NR3C2: variants seen among roughly 807,000 people sequenced by gnomAD.
NR3C2 encodes nuclear receptor subfamily 3 group C member 2.
In NR3C2, 15 loss-of-function variants were observed where a neutral mutation model predicts 86.4. The ratio of observed to expected loss-of-function variants is 0.17; its 90% CI spans 0.12 to 0.27. The LOEUF is 0.27. Among genes scored for constraint, NR3C2 ranks in the 10% least tolerant of loss-of-function variants. The pLI is 1.00. For missense variants in NR3C2, 960 were observed against 1,195.6 expected (o/e 0.80, Z 2.91); for synonymous variants, 458 against 450.5 (o/e 1.02, Z -0.21).
At chr4:148,325,618 A>G (rs1743925176) in intron 2 of NR3C2, among the ~76,000 whole-genome samples, 1 of 152,236 alleles carries the variant, frequency 6.6e-6, no homozygotes, top group African/African-American at 2.4e-5. Context: ...GTTACTGCAT[A>G]AAAAGGGTAA....
At chr4:148,416,296 G>T (rs1236503207) in intron 2 of NR3C2, among the ~76,000 whole-genome samples, 1 of 152,134 alleles carries the variant, frequency 6.6e-6, no homozygotes, top group East Asian at 1.9e-4. Flanking sequence ...GGTATATAAA[G>T]ACAATGATAA....
At position 148,328,282 on chromosome 4, in the gene NR3C2, T is replaced by C. The variant is rs1381003798; in HGVS notation, c.1758-68165A>G. Among the ~76,000 whole-genome samples, 3 of 151,570 alleles carry C rather than the reference T, an allele frequency of 2.0e-5. No individual in the cohort carries two copies. In the East Asian group the frequency reaches 5.8e-4, roughly 29 times the overall value. ...CAATGCAGAGGAGAGGGGAAGGAGG[T>C]AGAGGAGGAGGAATCAGCATGGGAA... On this transcript the variant is annotated intron_variant, in intron 2 of 8. Coordinates refer to ENST00000358102, the MANE Select transcript of NR3C2 (RefSeq NM_000901.5).
chr4:148,188,849 G>T (rs1736061003), intron 4 of NR3C2, among the ~76,000 whole-genome samples: 1 of 151,390 alleles, frequency 6.6e-6, no homozygotes. Flanking sequence ...TCCCGATTCA[G>T]TATCATGTTG....
intron 3 of NR3C2, among the ~76,000 whole-genome samples, chr4:148,224,502 T>C (rs528393236): frequency 1.4e-4 from 22 of 152,320 alleles, no homozygotes; most frequent in Non-Finnish European, 3.1e-4. Context: ...CATTACATTG[T>C]GGGGACACAG....
At chr4:148,318,034 C>T (rs1189469440) in intron 2 of NR3C2, among the ~76,000 whole-genome samples, 1 of 124,480 alleles carries the variant, frequency 8.0e-6, no homozygotes, top group Non-Finnish European at 1.6e-5. Flanking sequence ...CCTCCCCCCA[C>T]CCCACAACAG....
intron 2 of NR3C2, among the ~76,000 whole-genome samples, chr4:148,319,686 G>A (rs929049006): frequency 8.0e-5 from 12 of 150,852 alleles, no homozygotes; most frequent in Admixed American, 7.3e-4. Context: ...TTTGTCTGTT[G>A]TTGGTGTATA....
At chr4:148,238,358 G>T (rs1326313856) in intron 3 of NR3C2, among the ~76,000 whole-genome samples, 1 of 152,192 alleles carries the variant, frequency 6.6e-6, no homozygotes, top group East Asian at 1.9e-4. Flanking sequence ...TATTAGTCAT[G>T]CTGGCAACAA....
At chr4:148,198,268 TA>T (rs1736533543) in intron 3 of NR3C2, among the ~76,000 whole-genome samples, 1 of 152,232 alleles carries the variant, frequency 6.6e-6, no homozygotes, top group Non-Finnish European at 1.5e-5. Context: ...AGTAAGTGTT[TA>T]AAAGTTAATC....
At chr4:148,296,358 T>C (rs61760325) in intron 2 of NR3C2, among the ~76,000 whole-genome samples, 5 of 152,268 alleles carry the variant, frequency 3.3e-5, no homozygotes, top group Admixed American at 2.6e-4. Flanking sequence ...ATATTTTAGA[T>C]TGGGAAAAAC....
At chr4:148,147,179 A>G (rs1237101132) in intron 6 of NR3C2, among the ~76,000 whole-genome samples, 1 of 152,238 alleles carries the variant, frequency 6.6e-6, no homozygotes, top group African/African-American at 2.4e-5. Context: ...AAAAAATTAG[A>G]AAGAATGTTT....
At chr4:148,222,754 G>C (rs1240781643) in intron 3 of NR3C2, among the ~76,000 whole-genome samples, 10 of 152,188 alleles carry the variant, frequency 6.6e-5, no homozygotes. Flanking sequence ...AGAAGGAGCA[G>C]AGAAGGTAAA....
intron 8 of NR3C2, among the ~76,000 whole-genome samples, chr4:148,096,031 C>G (rs1731261526): frequency 6.6e-6 from 1 of 152,194 alleles, no homozygotes; most frequent in Admixed American, 6.5e-5. Flanking sequence ...AAGATGGGCT[C>G]AATTTACTTC....
chr4:148,081,164 G>A lies in NR3C2; in HGVS notation c.*180C>T, dbSNP rs980107314. 25 of 810,928 alleles carry A rather than the reference G, an allele frequency of 3.1e-5. No individual in the cohort carries two copies. Among genetic ancestry groups the A allele is most frequent in the Admixed American group, 4.2e-5 (2 of 47,170 alleles). 50.2% of individuals were successfully genotyped at this position (810,928 alleles called of 1,614,324 possible). A position where few individuals can be genotyped will look rare whatever the true frequency, so the allele number is the denominator to read the frequency against. The stretch of plus-strand genomic sequence containing the variant: ...GAATCCTTCAGACTGCTCTGGTCTC[G>A]CCAAATCCACGGAAAAACAGCTTTC... On this transcript the variant is annotated 3_prime_UTR_variant, in exon 9 of 9. Transcript: ENST00000358102.
intron 4 of NR3C2, among the ~76,000 whole-genome samples, chr4:148,157,839 G>A (rs1734473395): frequency 6.6e-6 from 1 of 152,140 alleles, no homozygotes; most frequent in African/African-American, 2.4e-5. Context: ...AGAGTAATTT[G>A]TGTTTATAAT....
At chr4:148,235,244 A>T (rs1738687873) in intron 3 of NR3C2, among the ~76,000 whole-genome samples, 1 of 146,444 alleles carries the variant, frequency 6.8e-6, no homozygotes, top group African/African-American at 2.5e-5. Flanking sequence ...AATAGTATTT[A>T]AAAAATTTAA....
intron 4 of NR3C2, among the ~76,000 whole-genome samples, chr4:148,172,981 C>T (rs1015921705): frequency 3.9e-5 from 6 of 152,212 alleles, no homozygotes; most frequent in Non-Finnish European, 5.9e-5. Flanking sequence ...AAAGGTTGAT[C>T]TCTGAGGAGT....
At chr4:148,256,662 A>C (rs1401530817) in intron 3 of NR3C2, among the ~76,000 whole-genome samples, 1 of 152,030 alleles carries the variant, frequency 6.6e-6, no homozygotes, top group African/African-American at 2.4e-5. Context: ...ACAAGGGAGA[A>C]CCCTTTTTTT....
intron 2 of NR3C2, among the ~76,000 whole-genome samples, chr4:148,359,504 G>A (rs1440453250): frequency 1.3e-5 from 2 of 152,124 alleles, no homozygotes; most frequent in East Asian, 3.9e-4. Context: ...ATATATCTAC[G>A]AAACTAAGGG....
intron 2 of NR3C2, among the ~76,000 whole-genome samples, chr4:148,342,067 C>A (rs970825671): frequency 2.6e-5 from 4 of 152,078 alleles, no homozygotes; most frequent in Non-Finnish European, 4.4e-5. Flanking sequence ...TGTTTAGCAA[C>A]CAGCCGGGGG....
Sources: allele counts gnomAD v4.1 joint callset (sites outside exome capture counted in the v4.1 genomes callset), GRCh38; gene constraint gnomAD v4.1.1; transcripts MANE v1.5; gene names NCBI Gene and HGNC (gene_info 2026-07-23, HGNC 2026-07-21).